Variants in WAC observed in about 807,000 individuals in gnomAD.
WAC encodes the protein WW domain-containing adapter protein with coiled-coil.
A neutral mutation model predicts 79.6 loss-of-function variants in WAC; 11 were observed. That is an observed-to-expected ratio of 0.14 (90% CI 0.09 to 0.23). The LOEUF is 0.23. Among genes scored for constraint, WAC ranks in the 10% least tolerant of loss-of-function variants. The probability of loss-of-function intolerance (pLI) is 1.00; values close to 1 mark genes in which losing one functional copy is unlikely to be tolerated. For missense variants in WAC, 728 were observed against 773.5 expected (o/e 0.94, Z 0.70); for synonymous variants, 304 against 276.9 (o/e 1.10, Z -0.97).
intron 7 of WAC, among the ~76,000 whole-genome samples, chr10:28,597,394 G>A (rs753360226): frequency 6.6e-6 from 1 of 152,148 alleles, no homozygotes; most frequent in Non-Finnish European, 1.5e-5. Flanking sequence ...ATCCTTGTCA[G>A]TTAAAATTCT....
rs143772149 is a variant in WAC at position 28,541,415 on chromosome 10, G to GTTTTTTTTTTTTTTTT, written c.274+5662_274+5663insTTTTTTTTTTTTTTTT. 1.6e-4 allele frequency among the ~76,000 whole-genome samples: 6 copies of GTTTTTTTTTTTTTTTT among 37,890 alleles called. 2 individuals are homozygous for GTTTTTTTTTTTTTTTT. The highest frequency in any genetic ancestry group is 8.1e-4 in the Admixed American group (2 of 2,464). 24.9% of individuals were successfully genotyped at this position (37,890 alleles called of 152,430 possible). A position where few individuals can be genotyped will look rare whatever the true frequency, so the allele number is the denominator to read the frequency against. ...TTTTTGTGGGGTTGTGTGTGTGTGTGTTTTGTTTTTTTTTTTTTTTTTTTT... is the reference window on the plus strand; with the variant it reads ...TTTTTGTGGGGTTGTGTGTGTGTGTGTTTTTTTTTTTTTTTTTTTTGTTTTTTTTTTTTTTTTTTTT... On this transcript the variant is annotated intron_variant, in intron 3 of 13. Transcript: ENST00000354911.
chr10:28,589,619 A>G (rs1839991909), intron 4 of WAC, 117 bp from the exon 5 acceptor site: 1 of 570,922 alleles, frequency 1.8e-6, no homozygotes, highest in South Asian at 2.7e-5. Context: ...ATTGCATTCT[A>G]GTTCAGAGTA....
Position 28,621,043 on chromosome 10 carries a change from C to T in WAC, c.*1437C>T, listed in dbSNP as rs1406295231. On this transcript the variant is annotated 3_prime_UTR_variant, in exon 14 of 14. Coordinates refer to ENST00000354911, the MANE Select transcript of WAC (RefSeq NM_016628.5). ...TTTGCTGAAATATTAGTCACATAGC[C>T]TTAGCTTCACACTGCCAGTAATGTA... The T allele has an allele frequency of 1.3e-5, 2 of 152,010 alleles. No homozygotes were observed. The highest frequency in any genetic ancestry group is 1.3e-4 in the Admixed American group (2 of 15,268). The allele number at this position is 152,010 out of a possible 1,614,324, so 9.4% of individuals were successfully genotyped here.
intron 7 of WAC, among the ~76,000 whole-genome samples, chr10:28,606,136 C>G (rs573291281): frequency 1.3e-5 from 2 of 152,106 alleles, no homozygotes; most frequent in Admixed American, 6.5e-5. Flanking sequence ...AATGCAGCCA[C>G]GACTTCGTGG....
At chr10:28,551,860 T>A (rs1370656642) in intron 3 of WAC, among the ~76,000 whole-genome samples, 11 of 149,860 alleles carry the variant, frequency 7.3e-5, no homozygotes, top group Non-Finnish European at 1.5e-4. Context: ...AGTCTCGCTC[T>A]GTTGCCTAGG....
Position 28,538,695 on chromosome 10 carries a change from G to T in WAC, c.274+2938G>T, listed in dbSNP as rs59850951. On this transcript the variant is annotated intron_variant, in intron 3 of 13. Coordinates refer to ENST00000354911, the MANE Select transcript of WAC (RefSeq NM_016628.5). ...CTTTGAAGCCAGGAGTTTGAGACTA[G>T]CCTTGGCAACATAGCAAGACCCTGT... 3.0e-3 allele frequency among the ~76,000 whole-genome samples: 456 copies of T among 150,490 alleles called. 2 individuals carry two copies. The highest frequency in any genetic ancestry group is 0.011 in the African/African-American group (441 of 40,966).
At chr10:28,574,550 C>T (rs1348516473) in intron 3 of WAC, among the ~76,000 whole-genome samples, 1 of 152,004 alleles carries the variant, frequency 6.6e-6, no homozygotes, top group African/African-American at 2.4e-5. Flanking sequence ...TCTGGCGATT[C>T]TCCTGTGTCA....
In WAC at chr10:28,617,668, A is replaced by G; in HGVS notation, c.1758A>G (p.Leu586=). The change falls in exon 13 of 14, where the codon TTA becomes TTG. Residue 586 remains leucine, a synonymous_variant. Coordinates refer to ENST00000354911, the MANE Select transcript of WAC (RefSeq NM_016628.5). The stretch of plus-strand genomic sequence containing the variant: ...TTCTTTAATTACAGGCATCAAGATT[A>G]CGCGAAGAAGCGCATAACATGGGAA... ...ADHAEKQASR[L]REEAHNMGTI... is the part of the protein sequence containing the mutation. 3.2e-6 allele frequency: 5 copies of G among 1,569,704 alleles called. No individual in the cohort carries two copies. The highest frequency in any genetic ancestry group is 4.3e-6 in the Non-Finnish European group (5 of 1,166,026).
chr10:28,534,512 C>G (rs978298590), intron 2 of WAC, among the ~76,000 whole-genome samples: 1 of 152,152 alleles, frequency 6.6e-6, no homozygotes, highest in East Asian at 1.9e-4. Flanking sequence ...TTTTGGTATA[C>G]TTAATTGCCT....
intron 11 of WAC, chr10:28,615,162 A>AC (rs1841419428): frequency 2.0e-5 from 3 of 152,938 alleles, no homozygotes; most frequent in African/African-American, 7.2e-5. Flanking sequence ...ATAGTTCTAT[A>AC]CTGCTGTATT....
At chr10:28,550,584 G>C (rs1487049590) in intron 3 of WAC, among the ~76,000 whole-genome samples, 5 of 152,114 alleles carry the variant, frequency 3.3e-5, no homozygotes, top group African/African-American at 7.2e-5. Context: ...CTCAGTAAAT[G>C]TTAAATGTCT....
intron 7 of WAC, among the ~76,000 whole-genome samples, chr10:28,606,159 T>C (rs1338971512): frequency 2.0e-5 from 3 of 152,088 alleles, no homozygotes; most frequent in Non-Finnish European, 4.4e-5. Context: ...CAGGTGGTTC[T>C]CCCACCTCAG....
intron 7 of WAC, among the ~76,000 whole-genome samples, chr10:28,596,756 A>G (rs1840391334): frequency 6.6e-6 from 1 of 152,194 alleles, no homozygotes; most frequent in African/African-American, 2.4e-5. Context: ...TAGTAAATAA[A>G]TTGTCACAGG....
At chr10:28,599,554 G>T (rs1840539563) in intron 7 of WAC, among the ~76,000 whole-genome samples, 1 of 152,148 alleles carries the variant, frequency 6.6e-6, no homozygotes, top group South Asian at 2.1e-4. Flanking sequence ...GTTGAGAGTT[G>T]GGAGCACTTG....
chr10:28,560,363 GT>G (rs1052361482), intron 3 of WAC, among the ~76,000 whole-genome samples: 7 of 152,198 alleles, frequency 4.6e-5, no homozygotes, highest in African/African-American at 1.7e-4. Flanking sequence ...CCTGTCGGGA[GT>G]TAGGAGTGTG....
At chr10:28,564,798 A>G (rs1035273284) in intron 3 of WAC, among the ~76,000 whole-genome samples, 1 of 152,222 alleles carries the variant, frequency 6.6e-6, no homozygotes, top group African/African-American at 2.4e-5. Context: ...GACAGCCTCA[A>G]AATTGATAAT....
intron 1 of WAC, 148 bp downstream of exon 1, chr10:28,533,768 GGGCGGGCGGGAACGCAGTGT>G: frequency 9.7e-7 from 1 of 1,026,454 alleles, no homozygotes. Flanking sequence ...CCGCGCGGGC[GGGCGGGCGGGAACGCAGTGT>G]GGCGGGGAGC....
chr10:28,544,234 T>C (rs541959436), intron 3 of WAC, among the ~76,000 whole-genome samples: 2 of 152,194 alleles, frequency 1.3e-5, no homozygotes, highest in Non-Finnish European at 1.5e-5. Flanking sequence ...TTTATTCGCT[T>C]GTATTAATAT....
At chr10:28,570,147 A>G (rs927751004) in intron 3 of WAC, among the ~76,000 whole-genome samples, 2 of 152,218 alleles carry the variant, frequency 1.3e-5, no homozygotes, top group African/African-American at 4.8e-5. Context: ...CTCTGCTGTA[A>G]TACGCTACCT....
Sources: allele counts gnomAD v4.1 joint callset (sites outside exome capture counted in the v4.1 genomes callset), GRCh38; gene constraint gnomAD v4.1.1; transcripts MANE v1.5; gene names NCBI Gene and HGNC (gene_info 2026-07-23, HGNC 2026-07-21).